Variants in CCSER1 observed in about 807,000 individuals in gnomAD.
CCSER1 encodes serine-rich coiled-coil domain-containing protein 1.
In CCSER1, 41 loss-of-function variants were observed where a neutral mutation model predicts 82.0. The observed-to-expected ratio is 0.50, with a 90% CI of 0.39 to 0.65. The LOEUF is 0.65. Ranked by LOEUF, CCSER1 falls within the 30% of genes least tolerant of loss-of-function variation. The probability of loss-of-function intolerance (pLI) is 0.00; values close to 1 mark genes in which losing one functional copy is unlikely to be tolerated. For synonymous variants in CCSER1, 414 were observed against 383.9 expected, an observed-to-expected ratio of 1.08 and a Z score of -0.92; for missense variants, 1,119 against 1,064.2, an observed-to-expected ratio of 1.05 and a Z score of -0.72.
intron 1 of CCSER1, among the ~76,000 whole-genome samples, chr4:90,188,343 A>G (rs1735001355): frequency 6.6e-6 from 1 of 151,910 alleles, no homozygotes; most frequent in Non-Finnish European, 1.5e-5. Flanking sequence ...ATCAGTATAT[A>G]TTTTTCAGTA....
At chr4:91,115,572 G>T (rs986424340) in intron 10 of CCSER1, among the ~76,000 whole-genome samples, 3 of 139,288 alleles carry the variant, frequency 2.2e-5, no homozygotes, top group African/African-American at 7.4e-5. Context: ...TGATCTGCCC[G>T]CCTTGGTCAA....
In CCSER1 at chr4:90,308,782, A is replaced by C; in HGVS notation, c.498A>C (p.Glu166Asp). 2 of 1,613,866 alleles carry C rather than the reference A, an allele frequency of 1.2e-6. No homozygotes were observed. Among genetic ancestry groups the C allele is most frequent in the South Asian group, 1.1e-5 (1 of 91,064 alleles). ...AAGGGGATGATTCTGGTTTCACAGA[A>C]GACCAAACTCGTCGTTCTGTTAAGC... ...KSEGDDSGFT[E>D]DQTRRSVKQS... Residue 166 changes from glutamate (E) to aspartate (D), a missense_variant, in exon 2 of 11, where the codon GAA becomes GAC. Physicochemically the swap from Glu to Asp is conservative, Grantham distance 45. Coordinates refer to ENST00000509176, the MANE Select transcript of CCSER1 (RefSeq NM_001145065.2).
intron 6 of CCSER1, among the ~76,000 whole-genome samples, chr4:90,684,500 A>G (rs1308435905): frequency 6.6e-6 from 1 of 152,166 alleles, no homozygotes; most frequent in East Asian, 1.9e-4. Context: ...ATTTATTTAC[A>G]CTTTATGCTT....
intron 1 of CCSER1, among the ~76,000 whole-genome samples, chr4:90,235,790 C>T (rs1464428133): frequency 1.3e-5 from 2 of 151,906 alleles, no homozygotes; most frequent in Admixed American, 6.6e-5. Context: ...AAAAAGCTTA[C>T]CAAGGGACAA....
intron 5 of CCSER1, among the ~76,000 whole-genome samples, chr4:90,490,075 G>A (rs988462933): frequency 1.3e-5 from 2 of 151,926 alleles, no homozygotes; most frequent in African/African-American, 4.8e-5. Flanking sequence ...TTTCTAGTTC[G>A]ATATCCCTGA....
chr4:91,478,733 T>A (rs7675583), intron 10 of CCSER1, among the ~76,000 whole-genome samples: 1 of 151,544 alleles, frequency 6.6e-6, no homozygotes, highest in Admixed American at 6.6e-5. Context: ...GTTGATCATA[T>A]AGATGACATT....
chr4:91,508,401 A>G (rs1470802689), intron 10 of CCSER1, among the ~76,000 whole-genome samples: 1 of 151,826 alleles, frequency 6.6e-6, no homozygotes, highest in South Asian at 2.1e-4. Context: ...ATGGTATTAC[A>G]TGAATGGAAT....
At chr4:91,385,107 A>G (rs1207641023) in intron 10 of CCSER1, among the ~76,000 whole-genome samples, 1 of 152,064 alleles carries the variant, frequency 6.6e-6, no homozygotes, top group Non-Finnish European at 1.5e-5. Flanking sequence ...ATACAGGCCC[A>G]ATAGTACAAA....
intron 6 of CCSER1, among the ~76,000 whole-genome samples, chr4:90,670,704 A>G (rs1161525562): frequency 1.3e-5 from 2 of 152,194 alleles, no homozygotes; most frequent in Non-Finnish European, 2.9e-5. Flanking sequence ...AAGACCATAG[A>G]CATATTTAAT....
At chr4:90,638,983 T>C (rs1032794676) in intron 6 of CCSER1, among the ~76,000 whole-genome samples, 2 of 152,112 alleles carry the variant, frequency 1.3e-5, no homozygotes, top group Admixed American at 1.3e-4. Flanking sequence ...TATTAATAAC[T>C]ACCTCATAGG....
rs575573549 is a variant in CCSER1, at chr4:90,336,162, G to T, written c.1509+23115G>T. Among the ~76,000 whole-genome samples the T allele has an allele frequency of 6.6e-5, 10 of 152,190 alleles. No individual in the cohort carries two copies. In the East Asian group the frequency reaches 1.9e-3, roughly 29 times the overall value. On this transcript the variant is annotated intron_variant, in intron 3 of 10. Transcript: ENST00000509176. ...TTCTAAATTTTGTTTTATTCCAAGA[G>T]AATTTGGCCTTGACTGCAGAAATTT...
At chr4:90,478,235 A>G (rs1252404526) in intron 5 of CCSER1, among the ~76,000 whole-genome samples, 3 of 152,194 alleles carry the variant, frequency 2.0e-5, no homozygotes, top group Admixed American at 1.3e-4. Flanking sequence ...TGATTGATGG[A>G]AAAATCAAAG....
chr4:91,561,822 A>G (rs1275816335), intron 10 of CCSER1, among the ~76,000 whole-genome samples: 2 of 151,564 alleles, frequency 1.3e-5, no homozygotes, highest in East Asian at 3.9e-4. Flanking sequence ...ATCTACTCCT[A>G]AAATTCTCAA....
intron 3 of CCSER1, among the ~76,000 whole-genome samples, chr4:90,325,000 T>C (rs144694881): frequency 0.015 from 2,212 of 152,358 alleles, 66 homozygotes; most frequent in African/African-American, 0.05. Flanking sequence ...GCGTTATTTC[T>C]GAGGGCTCTG....
chr4:90,492,727 C>G (rs1433631836), intron 5 of CCSER1, among the ~76,000 whole-genome samples: 1 of 152,150 alleles, frequency 6.6e-6, no homozygotes, highest in Non-Finnish European at 1.5e-5. Context: ...AGTCTTTGTT[C>G]TCATTGGTTT....
At chr4:91,555,296 T>A (rs899885144) in intron 10 of CCSER1, among the ~76,000 whole-genome samples, 1 of 151,180 alleles carries the variant, frequency 6.6e-6, no homozygotes, top group African/African-American at 2.4e-5. Flanking sequence ...TTCTGTTTAT[T>A]ACTGCAGTTC....
intron 5 of CCSER1, among the ~76,000 whole-genome samples, chr4:90,610,291 AT>A (rs1330457239): frequency 7.9e-5 from 12 of 151,210 alleles, no homozygotes; most frequent in Admixed American, 2.0e-4. Flanking sequence ...AAATAAATAA[AT>A]AAATAAATAA....
intron 7 of CCSER1, among the ~76,000 whole-genome samples, chr4:90,735,881 C>T (rs1745557978): frequency 6.6e-6 from 1 of 152,032 alleles, no homozygotes; most frequent in Admixed American, 6.6e-5. Flanking sequence ...TTCACTATAG[C>T]TCATAGGTTT....
chr4:91,059,310 GTATATA>G (rs1170575036), intron 9 of CCSER1, among the ~76,000 whole-genome samples: 1 of 78,766 alleles, frequency 1.3e-5, no homozygotes, highest in Admixed American at 1.1e-4. Context: ...ATATATACGT[GTATATA>G]TATATACATA....
Sources: gnomAD v4.1 joint callset for allele counts (sites outside exome capture counted in the v4.1 genomes callset) on GRCh38, gnomAD v4.1.1 for gene constraint, MANE v1.5 for transcripts, NCBI Gene and HGNC (gene_info 2026-07-23, HGNC 2026-07-21) for gene names.